Variants in HS6ST3 observed in about 807,000 individuals in gnomAD.
HS6ST3 encodes the protein heparan sulfate 6-O-sulfotransferase 3, also known as heparan-sulfate 6-O-sulfotransferase 3.
A neutral mutation model predicts 36.7 loss-of-function variants in HS6ST3; 12 were observed. The observed-to-expected ratio is 0.33, with a 90% CI of 0.21 to 0.53. HS6ST3 has a LOEUF of 0.53. HS6ST3 is among the 20% of genes least tolerant of loss of function. HS6ST3 has a pLI of 0.95. For synonymous variants in HS6ST3, 240 were observed against 257.5 expected (o/e 0.93, Z 0.65); for missense variants, 584 against 640.9 (o/e 0.91, Z 0.96).
At chr13:96,697,399 C>T (rs1203159689) in intron 1 of HS6ST3, among the ~76,000 whole-genome samples, 3 of 151,122 alleles carry the variant, frequency 2.0e-5, no homozygotes, top group South Asian at 2.1e-4. Flanking sequence ...AAAGTTTCAC[C>T]AAAAGGAAAG....
chr13:96,181,292 C>T (rs2054238737), intron 1 of HS6ST3, among the ~76,000 whole-genome samples: 1 of 152,156 alleles, frequency 6.6e-6, no homozygotes, highest in South Asian at 2.1e-4. Context: ...TTCAGAGGCA[C>T]ATTTCCTCAA....
chr13:96,465,977 A>G (rs1366691484), intron 1 of HS6ST3, among the ~76,000 whole-genome samples: 1 of 152,078 alleles, frequency 6.6e-6, no homozygotes, highest in Non-Finnish European at 1.5e-5. Flanking sequence ...TGTGTGTGGT[A>G]AGAACACTTA....
In HS6ST3 at chr13:96,567,195, G is replaced by A. The variant is rs536351460; in HGVS notation, c.708-265295G>A. On this transcript the variant is annotated intron_variant, in intron 1 of 1. Transcript: ENST00000376705. ...CTTCTTCTTCACCTACAGTTCTTCC[G>A]CCTCCCCACACCCACAAGTCTTAAA... Among the ~76,000 whole-genome samples, 190 of 149,044 alleles carry A rather than the reference G, an allele frequency of 1.3e-3. 4 individuals are homozygous for A. The highest frequency in any genetic ancestry group is 1.6e-3 in the Non-Finnish European group (106 of 67,384).
intron 1 of HS6ST3, among the ~76,000 whole-genome samples, chr13:96,278,388 A>G (rs2054758831): frequency 1.3e-5 from 2 of 152,158 alleles, no homozygotes. Flanking sequence ...TTATCTCATC[A>G]TCTCTTTTCA....
At chr13:96,576,259 C>T (rs1172506784) in intron 1 of HS6ST3, among the ~76,000 whole-genome samples, 2 of 149,752 alleles carry the variant, frequency 1.3e-5, no homozygotes, top group East Asian at 4.0e-4. Flanking sequence ...GCACAGGCCA[C>T]AGCCCCCTCA....
At position 96,090,630 on chromosome 13, in the gene HS6ST3, A is replaced by G. The variant is rs2139288629; in HGVS notation, c.-233A>G. Among the ~76,000 whole-genome samples, 1 of 145,654 alleles carries G rather than the reference A, an allele frequency of 6.9e-6. No individual in the cohort carries two copies. The highest frequency in any genetic ancestry group is 6.8e-5 in the Admixed American group (1 of 14,740). On this transcript the variant is annotated 5_prime_UTR_variant, in exon 1 of 2. Coordinates refer to ENST00000376705, the MANE Select transcript of HS6ST3 (RefSeq NM_153456.4). ...GGGAGCGCAGGGCGCCCCACGCCGC[A>G]GCCGCAGCCGAGCGCGCCGGCGCCC...
chr13:96,109,276 C>G (rs1014120172), intron 1 of HS6ST3, among the ~76,000 whole-genome samples: 2 of 152,024 alleles, frequency 1.3e-5, no homozygotes, highest in Non-Finnish European at 2.9e-5. Context: ...TGAGCTGGGC[C>G]CTAGTGTCTG....
intron 1 of HS6ST3, among the ~76,000 whole-genome samples, chr13:96,447,342 C>T (rs542033456): frequency 2.4e-4 from 36 of 152,218 alleles, no homozygotes; most frequent in African/African-American, 8.2e-4. Flanking sequence ...ACTTGTGTAC[C>T]CCTCTCTCCA....
At chr13:96,785,204 G>A (rs779256166) in intron 1 of HS6ST3, among the ~76,000 whole-genome samples, 16 of 152,050 alleles carry the variant, frequency 1.1e-4, no homozygotes, top group Non-Finnish European at 5.9e-5. Context: ...TTTTGATGAT[G>A]TGACTCCAAA....
intron 1 of HS6ST3, among the ~76,000 whole-genome samples, chr13:96,411,846 G>A (rs2055509043): frequency 6.6e-6 from 1 of 152,132 alleles, no homozygotes; most frequent in Non-Finnish European, 1.5e-5. Context: ...TGAATAGGGG[G>A]AGTGAGTGAT....
intron 1 of HS6ST3, among the ~76,000 whole-genome samples, chr13:96,218,076 G>A (rs1425243128): frequency 6.6e-6 from 1 of 152,160 alleles, no homozygotes; most frequent in Non-Finnish European, 1.5e-5. Flanking sequence ...ATATTTAAAG[G>A]AGACTTTAAT....
intron 1 of HS6ST3, among the ~76,000 whole-genome samples, chr13:96,368,046 G>A (rs981490995): frequency 1.2e-4 from 18 of 152,246 alleles, no homozygotes; most frequent in African/African-American, 4.3e-4. Context: ...GACTCCCCAC[G>A]TGTTTTTGCT....
intron 1 of HS6ST3, among the ~76,000 whole-genome samples, chr13:96,642,314 C>T (rs1479142143): frequency 6.6e-6 from 1 of 151,768 alleles, no homozygotes; most frequent in Non-Finnish European, 1.5e-5. Flanking sequence ...ATTCTCTGTT[C>T]ATCACTATCC....
chr13:96,483,551 T>C (rs2055899770), intron 1 of HS6ST3, among the ~76,000 whole-genome samples: 3 of 152,210 alleles, frequency 2.0e-5, no homozygotes, highest in African/African-American at 7.2e-5. Flanking sequence ...AAGAGATGTT[T>C]GGCTTTATTT....
intron 1 of HS6ST3, among the ~76,000 whole-genome samples, chr13:96,292,870 A>G (rs1211373018): frequency 1.3e-5 from 2 of 152,136 alleles, no homozygotes; most frequent in East Asian, 1.9e-4. Context: ...AATTTAAAAC[A>G]TTTGTTAGAC....
intron 1 of HS6ST3, among the ~76,000 whole-genome samples, chr13:96,256,177 A>C (rs1358027564): frequency 6.6e-6 from 1 of 152,226 alleles, no homozygotes; most frequent in Non-Finnish European, 1.5e-5. Context: ...AGTGTATGCC[A>C]TCAGGTGATA....
At chr13:96,562,945 G>A (rs1051852689) in intron 1 of HS6ST3, among the ~76,000 whole-genome samples, 1 of 151,564 alleles carries the variant, frequency 6.6e-6, no homozygotes, top group Non-Finnish European at 1.5e-5. Flanking sequence ...GGATCCAGGT[G>A]GAAACTGTCA....
rs905663876 is a variant in HS6ST3 at position 96,363,686 on chromosome 13, A to G, written c.707+272117A>G. On this transcript the variant is annotated intron_variant, in intron 1 of 1. Coordinates refer to ENST00000376705, the MANE Select transcript of HS6ST3 (RefSeq NM_153456.4). ...CACCACAAAACACCCCTTCATCCCA[A>G]AGTTAAAAAAAATGGAAAAGTCAAA... is the stretch of plus-strand genomic sequence containing the variant. Among the ~76,000 whole-genome samples, 3 of 152,106 alleles carry G rather than the reference A, an allele frequency of 2.0e-5. No individual in the cohort carries two copies. In the East Asian group the frequency reaches 5.8e-4, roughly 29 times the overall value.
chr13:96,591,757 C>T (rs1399310965), intron 1 of HS6ST3, among the ~76,000 whole-genome samples: 2 of 151,926 alleles, frequency 1.3e-5, no homozygotes, highest in East Asian at 3.9e-4. Flanking sequence ...GAAAAGGGGG[C>T]GTCCTTGTTG....
Sources: allele counts gnomAD v4.1 joint callset (sites outside exome capture counted in the v4.1 genomes callset), GRCh38; gene constraint gnomAD v4.1.1; transcripts MANE v1.5; gene names NCBI Gene and HGNC (gene_info 2026-07-23, HGNC 2026-07-21).